The following PXDNL variants were observed in gnomAD, a reference collection of about 807,000 sequenced individuals.
The protein encoded by PXDNL is probable oxidoreductase PXDNL.
Under a neutral mutation model 150.8 loss-of-function variants are expected in PXDNL, and 145 were observed. That is an observed-to-expected ratio of 0.96 (90% CI 0.84 to 1.10). The LOEUF is 1.10. Ranked by LOEUF, PXDNL falls within the 50% of genes least tolerant of loss-of-function variation. PXDNL has a pLI of 0.00. For missense variants in PXDNL, 2,087 were observed against 1,873.9 expected, an observed-to-expected ratio of 1.11 and a Z score of -2.10; for synonymous variants, 757 against 725.7, an observed-to-expected ratio of 1.04 and a Z score of -0.69.
At chr8:51,753,809 A>G (rs1261214305) in intron 1 of PXDNL, among the ~76,000 whole-genome samples, 1 of 152,244 alleles carries the variant, frequency 6.6e-6, no homozygotes, top group African/African-American at 2.4e-5. Flanking sequence ...CCAAAAGCAG[A>G]TGTACAATTA....
intron 1 of PXDNL, among the ~76,000 whole-genome samples, chr8:51,688,531 G>A (rs999764932): frequency 1.3e-5 from 2 of 152,196 alleles, no homozygotes; most frequent in East Asian, 1.9e-4. Context: ...TGTGGACTGC[G>A]GCCAGTTGGA....
At chr8:51,550,207 A>C (rs1483562063) in intron 4 of PXDNL, among the ~76,000 whole-genome samples, 2 of 152,086 alleles carry the variant, frequency 1.3e-5, no homozygotes, top group African/African-American at 4.8e-5. Flanking sequence ...CAACAACAAC[A>C]ACAAAAAGTC....
chr8:51,753,609 C>T (rs1459350804), intron 1 of PXDNL, among the ~76,000 whole-genome samples: 1 of 152,154 alleles, frequency 6.6e-6, no homozygotes, highest in Non-Finnish European at 1.5e-5. Flanking sequence ...CTAAAAGGTT[C>T]ATTGGGTTTT....
chr8:51,747,992 G>T (rs1479424857), intron 1 of PXDNL, among the ~76,000 whole-genome samples: 1 of 152,182 alleles, frequency 6.6e-6, no homozygotes, highest in African/African-American at 2.4e-5. Flanking sequence ...ATACATAGCA[G>T]CAATAACAGT....
At chr8:51,552,074 A>T (rs1225892845) in intron 4 of PXDNL, among the ~76,000 whole-genome samples, 1 of 152,228 alleles carries the variant, frequency 6.6e-6, no homozygotes, top group African/African-American at 2.4e-5. Context: ...TATATGAAAA[A>T]ATGCTCAACA....
At chr8:51,704,173 A>T (rs573070945) in intron 1 of PXDNL, among the ~76,000 whole-genome samples, 1 of 152,234 alleles carries the variant, frequency 6.6e-6, no homozygotes, top group African/African-American at 2.4e-5. Flanking sequence ...AATTTACCAT[A>T]TAAATGTGTA....
intron 17 of PXDNL, among the ~76,000 whole-genome samples, chr8:51,378,083 A>G (rs111324929): frequency 0.012 from 1,797 of 152,240 alleles, 42 homozygotes; most frequent in African/African-American, 0.041. Flanking sequence ...TAAATGCACT[A>G]ATCAGCACTC....
chr8:51,543,950 G>A (rs1812289047), intron 4 of PXDNL, among the ~76,000 whole-genome samples: 1 of 152,086 alleles, frequency 6.6e-6, no homozygotes, highest in African/African-American at 2.4e-5. Flanking sequence ...TGTAGATGAG[G>A]AATAACTGAA....
At chr8:51,326,687 C>A (rs74708192) in intron 21 of PXDNL, among the ~76,000 whole-genome samples, 4,803 of 152,124 alleles carry the variant, frequency 0.032, 242 homozygotes, top group African/African-American at 0.11. Context: ...CTGCATTCCC[C>A]AAAAAGCAGC....
At chr8:51,399,098 T>A (rs1177781055) in intron 17 of PXDNL, among the ~76,000 whole-genome samples, 1 of 151,988 alleles carries the variant, frequency 6.6e-6, no homozygotes, top group Non-Finnish European at 1.5e-5. Context: ...GAGAAAAAAA[T>A]TAAGCAAATA....
intron 14 of PXDNL, among the ~76,000 whole-genome samples, chr8:51,413,890 G>A (rs1249819030): frequency 3.9e-5 from 6 of 152,070 alleles, no homozygotes; most frequent in South Asian, 4.2e-4. Flanking sequence ...AAATAATTAC[G>A]AATGAATATT....
chr8:51,608,702 TGGTG>T (rs1585618262), intron 2 of PXDNL, among the ~76,000 whole-genome samples: 1 of 150,244 alleles, frequency 6.7e-6, no homozygotes, highest in East Asian at 2.0e-4. Context: ...CCGGGCGTGG[TGGTG>T]GGTGCCTGTA....
Position 51,319,984 on chromosome 8 carries a change from CG to C in PXDNL, c.4298del (p.Pro1433ArgfsTer10). The C allele has an allele frequency of 6.4e-7, 1 of 1,569,990 alleles. No individual in the cohort carries two copies. The highest frequency in any genetic ancestry group is 1.9e-5 in the Admixed American group (1 of 53,738). On this transcript the variant is annotated frameshift_variant, in exon 23 of 23. Transcript: ENST00000356297. LOFTEE classifies it low-confidence loss of function (END_TRUNC). ...QVTCVVEICP[P>X]APCPSPELVK... The stretch of plus-strand genomic sequence containing the variant: ...CCAATTCAGGACTGGGACAGGGAGC[CG>C]GGGGACAAATCTCCACCACACAGGT...
In PXDNL at chr8:51,364,262, T is replaced by G. The variant is rs28544473; in HGVS notation, c.3901+7611A>C. ...TTTTCTGAGAACAACATCAGAGTTG[T>G]CCTTTGCCATCACATTGTAGCAAAA... On this transcript the variant is annotated intron_variant, in intron 19 of 22. Coordinates refer to ENST00000356297, the MANE Select transcript of PXDNL (RefSeq NM_144651.5). 4.8e-3 allele frequency among the ~76,000 whole-genome samples: 732 copies of G among 152,312 alleles called. 6 individuals carry two copies. Among genetic ancestry groups the G allele is most frequent in the African/African-American group, 0.017 (693 of 41,574 alleles).
At chr8:51,603,211 C>G (rs999448101) in intron 2 of PXDNL, among the ~76,000 whole-genome samples, 2 of 151,334 alleles carry the variant, frequency 1.3e-5, no homozygotes, top group Non-Finnish European at 3.0e-5. Context: ...TAGTTTCTAC[C>G]CCTCTTTTTT....
intron 21 of PXDNL, among the ~76,000 whole-genome samples, chr8:51,339,163 T>C (rs1206633155): frequency 2.0e-5 from 3 of 152,142 alleles, no homozygotes; most frequent in African/African-American, 4.8e-5. Flanking sequence ...TCACTTCTTA[T>C]TACAATACTA....
intron 1 of PXDNL, among the ~76,000 whole-genome samples, chr8:51,748,623 T>A (rs765511090): frequency 2.6e-5 from 4 of 152,028 alleles, no homozygotes; most frequent in Non-Finnish European, 5.9e-5. Context: ...GAAGCAGGAG[T>A]TATTTTAAAA....
intron 11 of PXDNL, among the ~76,000 whole-genome samples, chr8:51,448,700 A>AAAACAAACAAACAAACAAAC (rs55820855): frequency 6.6e-6 from 1 of 150,418 alleles, no homozygotes; most frequent in Non-Finnish European, 1.5e-5. Flanking sequence ...ACTCTGTCTC[A>AAAACAAACAAACAAACAAAC]AAACAAACAA....
chr8:51,519,322 C>T (rs577644621), intron 4 of PXDNL, among the ~76,000 whole-genome samples: 2 of 152,176 alleles, frequency 1.3e-5, no homozygotes, highest in African/African-American at 4.8e-5. Flanking sequence ...AGGCAGATCA[C>T]CTAAGGTCAG....
Sources: gnomAD v4.1 joint callset for allele counts (sites outside exome capture counted in the v4.1 genomes callset) on GRCh38, gnomAD v4.1.1 for gene constraint, MANE v1.5 for transcripts, NCBI Gene and HGNC (gene_info 2026-07-23, HGNC 2026-07-21) for gene names.